Variants in ADK observed in about 807,000 individuals in gnomAD.
The protein encoded by ADK is adenosine kinase, also known as N6,N6-dimethyladenosine kinase.
ADK carries 24 observed loss-of-function variants against 44.7 expected under a neutral mutation model. The observed-to-expected ratio is 0.54, with a 90% CI of 0.39 to 0.76. The LOEUF is 0.76. ADK is among the 30% of genes least tolerant of loss of function. The pLI, the probability that ADK is intolerant of heterozygous loss-of-function variation, is 0.00. For missense variants in ADK, 321 were observed against 425.1 expected, an observed-to-expected ratio of 0.76 and a Z score of 2.15; for synonymous variants, 128 against 142.6, an observed-to-expected ratio of 0.90 and a Z score of 0.73.
chr10:74,195,707 C>CTTTTTTTTTTTTTTTTTTTTTTTT (rs71475265), intron 1 of ADK, among the ~76,000 whole-genome samples: 15 of 97,524 alleles, frequency 1.5e-4, no homozygotes, highest in South Asian at 3.4e-4. Context: ...TCTTTTCTTT[C>CTTTTTTTTTTTTTTTTTTTTTTTT]TTTTTTTTTT....
At chr10:74,632,001 T>C (rs1853443469) in intron 9 of ADK, among the ~76,000 whole-genome samples, 1 of 152,172 alleles carries the variant, frequency 6.6e-6, no homozygotes, top group Admixed American at 6.5e-5. Flanking sequence ...ACAATTTCCT[T>C]ATTTAAAGTA....
chr10:74,667,651 G>A (rs976679767), intron 9 of ADK, among the ~76,000 whole-genome samples: 1 of 151,406 alleles, frequency 6.6e-6, no homozygotes, highest in African/African-American at 2.4e-5. Flanking sequence ...TCCTGCCTCA[G>A]CCTCCAGAGT....
chr10:74,425,861 G>T lies in ADK; in HGVS notation c.555+27282G>T, dbSNP rs143157571. 5.3e-3 allele frequency among the ~76,000 whole-genome samples: 803 copies of T among 152,192 alleles called. 7 individuals are homozygous for T. Among genetic ancestry groups the T allele is most frequent in the African/African-American group, 0.018 (746 of 41,536 alleles). On this transcript the variant is annotated intron_variant, in intron 6 of 10. Coordinates refer to ENST00000539909, the MANE Select transcript of ADK (RefSeq NM_006721.4). ...TTTTTATTTTAACCCAGCATTTGTT[G>T]TTGTTTTTAGCAAAAGTCCTGTGTT...
At chr10:74,482,148 A>T (rs1847096714) in intron 6 of ADK, among the ~76,000 whole-genome samples, 1 of 152,192 alleles carries the variant, frequency 6.6e-6, no homozygotes, top group East Asian at 1.9e-4. Context: ...TGGGTAATTT[A>T]TAAAGAAAAG....
At chr10:74,585,443 G>A (rs559322738) in intron 7 of ADK, among the ~76,000 whole-genome samples, 1 of 152,308 alleles carries the variant, frequency 6.6e-6, no homozygotes, top group African/African-American at 2.4e-5. Flanking sequence ...CTGAGAAACT[G>A]AGTAATAGTG....
At chr10:74,226,210 C>T (rs1412943648) in intron 3 of ADK, among the ~76,000 whole-genome samples, 6 of 151,944 alleles carry the variant, frequency 3.9e-5, no homozygotes, top group African/African-American at 1.2e-4. Context: ...TGGGTTCAAG[C>T]GATTCTCCTG....
intron 4 of ADK, among the ~76,000 whole-genome samples, chr10:74,387,674 A>G (rs570776636): frequency 3.9e-5 from 6 of 152,282 alleles, no homozygotes; most frequent in Admixed American, 1.3e-4. Context: ...GGTATTTTCC[A>G]GTAATATGCT....
At chr10:74,684,115 CTAAG>C (rs1264788217) in intron 10 of ADK, among the ~76,000 whole-genome samples, 4 of 152,304 alleles carry the variant, frequency 2.6e-5, no homozygotes, top group Non-Finnish European at 5.9e-5. Flanking sequence ...TTGTGAAACA[CTAAG>C]TAAAGCCATC....
chr10:74,615,719 G>GT (rs1352837800), intron 9 of ADK, among the ~76,000 whole-genome samples: 9 of 151,792 alleles, frequency 5.9e-5, no homozygotes, highest in Non-Finnish European at 1.0e-4. Flanking sequence ...GTTTTGTTTT[G>GT]TTTTTTTGAG....
At chr10:74,292,569 C>A (rs1286031974) in intron 3 of ADK, among the ~76,000 whole-genome samples, 2 of 152,144 alleles carry the variant, frequency 1.3e-5, no homozygotes, top group Non-Finnish European at 2.9e-5. Context: ...AACTCCTAAT[C>A]TTTCCTCTAA....
chr10:74,594,349 A>C (rs1219954345), intron 8 of ADK, among the ~76,000 whole-genome samples: 1 of 147,928 alleles, frequency 6.8e-6, no homozygotes, highest in Non-Finnish European at 1.5e-5. Flanking sequence ...AAAAATTTCT[A>C]GTAATAGTAA....
rs528447062 is a variant in ADK at position 74,430,246 on chromosome 10, G to A, written c.555+31667G>A. Among the ~76,000 whole-genome samples the A allele has an allele frequency of 1.1e-4, 16 of 151,960 alleles. No homozygotes were observed. The South Asian group carries it at 2.9e-3, about 28-fold the overall frequency. On this transcript the variant is annotated intron_variant, in intron 6 of 10. Transcript: ENST00000539909. ...TCATGTACTTTTTACTCAGTTTCTC[G>A]AGGTAACTTCTTACAAAACTATAGA...
chr10:74,457,331 G>C (rs983971580), intron 6 of ADK, among the ~76,000 whole-genome samples: 1 of 152,150 alleles, frequency 6.6e-6, no homozygotes, highest in Non-Finnish European at 1.5e-5. Context: ...AATTGAGGCA[G>C]TAATTAATAG....
At chr10:74,323,813 G>A (rs908054646) in intron 4 of ADK, among the ~76,000 whole-genome samples, 16 of 151,904 alleles carry the variant, frequency 1.1e-4, no homozygotes, top group East Asian at 1.9e-4. Context: ...CTTGTGATCC[G>A]CCCGCCTTGG....
At chr10:74,268,485 A>T (rs532589865) in intron 3 of ADK, among the ~76,000 whole-genome samples, 30 of 152,232 alleles carry the variant, frequency 2.0e-4, no homozygotes, top group Admixed American at 6.5e-4. Flanking sequence ...TCACTGGCAA[A>T]ATTGTTGATA....
chr10:74,678,716 G>T (rs962493864), intron 10 of ADK, among the ~76,000 whole-genome samples: 2 of 152,156 alleles, frequency 1.3e-5, no homozygotes, highest in African/African-American at 2.4e-5. Flanking sequence ...TTTTTATTTA[G>T]TTGCAGAGGT....
chr10:74,586,424 T>C (rs973786838), intron 7 of ADK, among the ~76,000 whole-genome samples: 15 of 152,192 alleles, frequency 9.9e-5, no homozygotes, highest in African/African-American at 3.6e-4. Flanking sequence ...AATATGTTGA[T>C]GCTTGAAATA....
intron 1 of ADK, among the ~76,000 whole-genome samples, chr10:74,196,903 T>G (rs1011468284): frequency 3.9e-5 from 6 of 152,202 alleles, no homozygotes; most frequent in Admixed American, 6.5e-5. Flanking sequence ...GTCCAACAAC[T>G]TCATTAATGA....
In ADK at chr10:74,648,227, C is replaced by A. The variant is rs553670733; in HGVS notation, c.878-21956C>A. Among the ~76,000 whole-genome samples the A allele has an allele frequency of 1.4e-4, 21 of 152,036 alleles. No homozygotes were observed. In the South Asian group the frequency reaches 4.4e-3, roughly 32 times the overall value. ...GTTTATTGCCAATAGACCTGTCCTA[C>A]AAGAAATGCTAAAAGGGAATGCTTC... is the stretch of plus-strand genomic sequence containing the variant. On this transcript the variant is annotated intron_variant, in intron 9 of 10. Transcript: ENST00000539909.
Sources: gnomAD v4.1 joint callset for allele counts (sites outside exome capture counted in the v4.1 genomes callset) on GRCh38, gnomAD v4.1.1 for gene constraint, MANE v1.5 for transcripts, NCBI Gene and HGNC (gene_info 2026-07-23, HGNC 2026-07-21) for gene names.